Variants in RSRC1 observed in about 807,000 individuals in gnomAD.
RSRC1 encodes the protein arginine and serine rich coiled-coil 1, also known as serine/Arginine-related protein 53.
In RSRC1, 39 loss-of-function variants were observed where a neutral mutation model predicts 49.1. That is an observed-to-expected ratio of 0.79 (90% CI 0.61 to 1.04). The LOEUF (loss-of-function observed/expected upper bound fraction) is 1.04. RSRC1 is among the 50% of genes least tolerant of loss of function. RSRC1 has a pLI of 0.00. For synonymous variants in RSRC1, 143 were observed against 130.8 expected (o/e 1.09, Z -0.63); for missense variants, 388 against 402.4 (o/e 0.96, Z 0.31).
At chr3:158,209,382 T>C (rs1721532560) in intron 4 of RSRC1, among the ~76,000 whole-genome samples, 1 of 152,108 alleles carries the variant, frequency 6.6e-6, no homozygotes, top group Non-Finnish European at 1.5e-5. Flanking sequence ...GATGCTGGCC[T>C]CTCAATCTTG....
chr3:158,339,298 CAAAAAAAAA>C (rs57120150), intron 5 of RSRC1, among the ~76,000 whole-genome samples: 2 of 73,816 alleles, frequency 2.7e-5, no homozygotes, highest in African/African-American at 5.4e-5. Context: ...GACTCCGTCT[CAAAAAAAAA>C]AAAAAAAAAA....
At chr3:158,413,753 A>G (rs1459760266) in intron 6 of RSRC1, among the ~76,000 whole-genome samples, 1 of 152,234 alleles carries the variant, frequency 6.6e-6, no homozygotes, top group African/African-American at 2.4e-5. Flanking sequence ...ATCACTGGTC[A>G]TTAGAGAAAT....
intron 6 of RSRC1, among the ~76,000 whole-genome samples, chr3:158,450,331 C>CT (rs57318071): frequency 0.04 from 5,142 of 127,216 alleles, 102 homozygotes; most frequent in Non-Finnish European, 0.055. Context: ...TTCTTTTTTG[C>CT]TTTTTTTTTT....
intron 4 of RSRC1, among the ~76,000 whole-genome samples, chr3:158,204,742 T>C (rs377373453): frequency 3.9e-5 from 6 of 152,308 alleles, no homozygotes; most frequent in Admixed American, 1.3e-4. Context: ...TGGTTTTGTT[T>C]TTAAAAATTA....
intron 5 of RSRC1, among the ~76,000 whole-genome samples, chr3:158,329,602 C>A (rs930048140): frequency 1.3e-5 from 2 of 152,224 alleles, no homozygotes; most frequent in Admixed American, 6.5e-5. Flanking sequence ...CTGGAAGCTT[C>A]ATCTCAGAGG....
At chr3:158,200,186 C>T (rs996653184) in intron 3 of RSRC1, among the ~76,000 whole-genome samples, 1 of 151,936 alleles carries the variant, frequency 6.6e-6, no homozygotes, top group Non-Finnish European at 1.5e-5. Context: ...TACAGGCATC[C>T]GCCACCATGC....
At chr3:158,315,028 T>C (rs1263372304) in intron 5 of RSRC1, among the ~76,000 whole-genome samples, 1 of 84,592 alleles carries the variant, frequency 1.2e-5, no homozygotes, top group African/African-American at 4.8e-5. Flanking sequence ...TGAGACTTTG[T>C]CTCAAAAAAA....
intron 5 of RSRC1, among the ~76,000 whole-genome samples, chr3:158,312,168 T>G (rs1270221602): frequency 6.8e-6 from 1 of 147,364 alleles, no homozygotes; most frequent in East Asian, 1.9e-4. Context: ...GCTTCTAACT[T>G]GACATGTGCA....
intron 4 of RSRC1, among the ~76,000 whole-genome samples, chr3:158,231,137 C>CTTTTTTTT (rs35368661): frequency 2.9e-5 from 2 of 67,950 alleles, no homozygotes; most frequent in African/African-American, 6.1e-5. Flanking sequence ...TAGTCGTTAG[C>CTTTTTTTT]TTTTTTTTTT....
intron 6 of RSRC1, among the ~76,000 whole-genome samples, chr3:158,427,986 T>A (rs749570235): frequency 6.6e-6 from 1 of 151,876 alleles, no homozygotes; most frequent in Non-Finnish European, 1.5e-5. Flanking sequence ...GAGTAGCAAC[T>A]ATTTTTGGTT....
intron 7 of RSRC1, among the ~76,000 whole-genome samples, chr3:158,462,139 T>G (rs954771476): frequency 3.0e-4 from 46 of 151,890 alleles, no homozygotes; most frequent in African/African-American, 1.0e-3. Flanking sequence ...TTATGCTCTT[T>G]TCCGGGATCA....
At chr3:158,520,035 G>A (rs1416490077) in intron 7 of RSRC1, among the ~76,000 whole-genome samples, 3 of 152,146 alleles carry the variant, frequency 2.0e-5, no homozygotes. Context: ...TCTGTTGAAT[G>A]ACGGACTGGA....
intron 6 of RSRC1, among the ~76,000 whole-genome samples, chr3:158,407,399 A>G (rs1734207182): frequency 6.6e-6 from 1 of 152,200 alleles, no homozygotes; most frequent in Admixed American, 6.5e-5. Flanking sequence ...TAACTAATTT[A>G]AACACAAATT....
At chr3:158,360,624 G>C (rs879854979) in intron 6 of RSRC1, among the ~76,000 whole-genome samples, 22 of 152,228 alleles carry the variant, frequency 1.4e-4, no homozygotes, top group Non-Finnish European at 2.4e-4. Context: ...GGCAGCAAAG[G>C]GCTGGTGTGT....
chr3:158,247,906 T>C (rs1448568458), intron 4 of RSRC1, among the ~76,000 whole-genome samples: 3 of 152,210 alleles, frequency 2.0e-5, no homozygotes, highest in Non-Finnish European at 4.4e-5. Context: ...TCAGTTTTCA[T>C]GGGTTGTTTC....
chr3:158,275,824 G>T (rs1236804064), intron 4 of RSRC1: 2 of 510,516 alleles, frequency 3.9e-6, no homozygotes, highest in Non-Finnish European at 6.9e-6. Context: ...GATAACAGTG[G>T]AGCTGGAGAG....
intron 7 of RSRC1, among the ~76,000 whole-genome samples, chr3:158,489,898 T>C (rs1246229969): frequency 6.6e-6 from 1 of 152,134 alleles, no homozygotes; most frequent in African/African-American, 2.4e-5. Context: ...CTAGGAAATA[T>C]TGAGATAATG....
chr3:158,137,461 C>T (rs914174093), intron 3 of RSRC1, among the ~76,000 whole-genome samples: 1 of 151,292 alleles, frequency 6.6e-6, no homozygotes, highest in East Asian at 1.9e-4. Flanking sequence ...AGATGATGCC[C>T]TTGCAGTTTT....
intron 2 of RSRC1, 152 bp from the exon 3 acceptor site, chr3:158,123,714 A>G (rs1232661479): frequency 3.2e-6 from 2 of 619,538 alleles, no homozygotes; most frequent in South Asian, 4.1e-5. Context: ...ATGACTGTTC[A>G]AGAGAAATAA....
Sources: gnomAD v4.1 joint callset for allele counts (sites outside exome capture counted in the v4.1 genomes callset) on GRCh38, gnomAD v4.1.1 for gene constraint, MANE v1.5 for transcripts, NCBI Gene and HGNC (gene_info 2026-07-23, HGNC 2026-07-21) for gene names.